ACYP2: variants seen among roughly 807,000 people sequenced by gnomAD.
ACYP2 encodes the protein acylphosphatase-2.
Under a neutral mutation model 11.2 loss-of-function variants are expected in ACYP2, and 12 were observed. That is an observed-to-expected ratio of 1.08 (90% confidence interval 0.69 to 1.74). The LOEUF is 1.74. Among genes scored for constraint, ACYP2 ranks in the 40% most tolerant of loss-of-function variants. The pLI is 0.00. For missense variants in ACYP2, 134 were observed against 101.9 expected (o/e 1.31, Z -1.35); for synonymous variants, 43 against 32.2 (o/e 1.33, Z -1.13).
At chr2:54,249,959 A>G (rs1271115468) in intron 6 of ACYP2, among the ~76,000 whole-genome samples, 4 of 151,352 alleles carry the variant, frequency 2.6e-5, no homozygotes, top group African/African-American at 9.7e-5. Flanking sequence ...AAAAAAAAAA[A>G]AAAAAAAGAA....
chr2:54,268,826 G>A (rs1019099805), intron 6 of ACYP2, among the ~76,000 whole-genome samples: 10 of 152,140 alleles, frequency 6.6e-5, no homozygotes, highest in Admixed American at 2.0e-4. Flanking sequence ...TTTTAAGGTT[G>A]TGAGTTTTTC....
intron 4 of ACYP2, among the ~76,000 whole-genome samples, chr2:54,096,252 C>T (rs1160628478): frequency 7.1e-5 from 10 of 140,068 alleles, no homozygotes; most frequent in Middle Eastern, 3.9e-3. Flanking sequence ...GGAGCAGAGG[C>T]GCTCCCCACA....
At chr2:54,070,732 A>ATTT (rs11368576) in intron 4 of ACYP2, among the ~76,000 whole-genome samples, 3 of 137,148 alleles carry the variant, frequency 2.2e-5, no homozygotes, top group Non-Finnish European at 3.2e-5. Flanking sequence ...AAGCTATTCC[A>ATTT]TTTTTTTTTT....
chr2:53,985,341 A>T (rs557315357), intron 2 of ACYP2, among the ~76,000 whole-genome samples: 1 of 152,170 alleles, frequency 6.6e-6, no homozygotes, highest in Non-Finnish European at 1.5e-5. Context: ...TGCTGGGATT[A>T]CAGGTGTGAG....
At chr2:54,013,741 AAAG>A (rs200544762) in intron 2 of ACYP2, among the ~76,000 whole-genome samples, 30,292 of 148,274 alleles carry the variant, frequency 0.2, 3,171 homozygotes, top group African/African-American at 0.3. Context: ...AAAAAAAAAA[AAAG>A]AGAGAGAGAG....
intron 2 of ACYP2, among the ~76,000 whole-genome samples, chr2:54,012,727 C>G (rs1006935680): frequency 5.9e-5 from 9 of 152,102 alleles, no homozygotes; most frequent in African/African-American, 2.2e-4. Flanking sequence ...CCCAAGCCTC[C>G]CAGTTGCTTG....
At chr2:54,192,548 C>A (rs1684280445) in intron 6 of ACYP2, among the ~76,000 whole-genome samples, 1 of 151,948 alleles carries the variant, frequency 6.6e-6, no homozygotes, top group Admixed American at 6.6e-5. Flanking sequence ...CAGCCAGAAC[C>A]TGGGAAGTTG....
rs547181663 is a variant in ACYP2, at chr2:54,235,298, T to A, written c.405-69390T>A. Reference sequence around the variant, plus strand: ...GACAGGTTTTTTTTTTTAATTAAGTTTTGGTTTGAATCAACCAGTGAAACC... The same window carrying A: ...GACAGGTTTTTTTTTTTAATTAAGTATTGGTTTGAATCAACCAGTGAAACC... On this transcript the variant is annotated intron_variant, in intron 6 of 6. Coordinates refer to ENST00000607452, the MANE Select transcript of ACYP2 (RefSeq NM_001320586.2). Among the ~76,000 whole-genome samples the A allele has an allele frequency of 2.2e-4, 34 of 152,166 alleles. No individual in the cohort carries two copies. In the South Asian group the frequency reaches 7.1e-3, roughly 32 times the overall value.
chr2:54,152,115 CTTTT>C (rs59900871), intron 6 of ACYP2, among the ~76,000 whole-genome samples: 2 of 106,930 alleles, frequency 1.9e-5, no homozygotes, highest in African/African-American at 3.5e-5. Context: ...AGGGTTGACT[CTTTT>C]TTTTTTTTTT....
intron 4 of ACYP2, among the ~76,000 whole-genome samples, chr2:54,094,116 A>G (rs72800736): frequency 6.6e-6 from 1 of 152,218 alleles, no homozygotes; most frequent in African/African-American, 2.4e-5. Flanking sequence ...AAAGTGGTTA[A>G]TTCTGGCTGT....
Position 54,057,458 on chromosome 2 carries a change from C to T in ACYP2, c.277+98C>T, listed in dbSNP as rs1175079305. 7.2e-5 allele frequency: 28 copies of T among 391,112 alleles called. No homozygotes were observed. The East Asian group carries it at 9.0e-4, about 13-fold the overall frequency. The allele number at this position is 391,112 out of a possible 1,614,324, so 24.2% of individuals were successfully genotyped here. ...TAAAATTAGCCTCAGGATGGCAGAA[C>T]TTATCTGTTAGAGACATTTTGAGGG... is the stretch of plus-strand genomic sequence containing the variant. On this transcript the variant is annotated intron_variant, in intron 4 of 6. Coordinates refer to ENST00000607452, the MANE Select transcript of ACYP2 (RefSeq NM_001320586.2).
At chr2:54,088,146 T>C (rs1678036054) in intron 4 of ACYP2, among the ~76,000 whole-genome samples, 1 of 152,180 alleles carries the variant, frequency 6.6e-6, no homozygotes, top group Non-Finnish European at 1.5e-5. Flanking sequence ...TTAGCAACTC[T>C]TCTAGTGGAG....
At chr2:54,129,977 T>G (rs1680804150) in intron 4 of ACYP2, among the ~76,000 whole-genome samples, 1 of 151,038 alleles carries the variant, frequency 6.6e-6, no homozygotes. Flanking sequence ...ATATTTCACA[T>G]AAATATTTAT....
rs570641941 is a variant in ACYP2, at chr2:54,088,603, C to T, written c.277+31243C>T. On this transcript the variant is annotated intron_variant, in intron 4 of 6. Transcript: ENST00000607452. ...CACCCCCTTTCTCACGGCAGGCTTC[C>T]AGTCTGCCCCAGGGCCAAGCTGCAC... Among the ~76,000 whole-genome samples the T allele has an allele frequency of 3.3e-5, 5 of 152,198 alleles. No homozygotes were observed. The South Asian group carries it at 1.0e-3, about 32-fold the overall frequency.
chr2:54,258,576 G>A (rs142212205), intron 6 of ACYP2, among the ~76,000 whole-genome samples: 8 of 152,244 alleles, frequency 5.3e-5, no homozygotes, highest in South Asian at 2.1e-4. Context: ...TAAGTTTTGC[G>A]TGAATCACTC....
At chr2:54,045,570 A>C (rs1346620871) in intron 2 of ACYP2, among the ~76,000 whole-genome samples, 1 of 152,168 alleles carries the variant, frequency 6.6e-6, no homozygotes, top group Non-Finnish European at 1.5e-5. Flanking sequence ...TAATCCCAGC[A>C]CTTTGGGAGG....
chr2:54,263,722 C>G (rs1272827369), intron 6 of ACYP2, among the ~76,000 whole-genome samples: 2 of 152,192 alleles, frequency 1.3e-5, no homozygotes, highest in African/African-American at 4.8e-5. Flanking sequence ...TAGTGTATAA[C>G]TCTTTGCATA....
chr2:53,982,519 C>A (rs958530129), intron 2 of ACYP2, among the ~76,000 whole-genome samples: 2 of 152,134 alleles, frequency 1.3e-5, no homozygotes, highest in African/African-American at 4.8e-5. Flanking sequence ...AAAACTATAA[C>A]CAAATGTCAG....
rs1223428316 is a variant in ACYP2 at position 53,971,278 on chromosome 2, G to C, written c.-80G>C. The stretch of plus-strand genomic sequence containing the variant: ...TCGCCGGGGGTCGCGCACTCCAAGC[G>C]GCAGCCCACTGGAGTCCCAGTCGCC... On this transcript the variant is annotated 5_prime_UTR_variant, in exon 1 of 7. Coordinates refer to ENST00000607452, the MANE Select transcript of ACYP2 (RefSeq NM_001320586.2). The C allele has an allele frequency of 6.5e-6, 1 of 153,076 alleles. No homozygotes were observed. Among genetic ancestry groups the C allele is most frequent in the African/African-American group, 2.4e-5 (1 of 41,430 alleles). The allele number at this position is 153,076 out of a possible 1,614,324, so 9.5% of individuals were successfully genotyped here. A position where few individuals can be genotyped will look rare whatever the true frequency, so the allele number is the denominator to read the frequency against.
Sources: gnomAD v4.1 joint callset for allele counts (sites outside exome capture counted in the v4.1 genomes callset) on GRCh38, gnomAD v4.1.1 for gene constraint, MANE v1.5 for transcripts, NCBI Gene and HGNC (gene_info 2026-07-23, HGNC 2026-07-21) for gene names.